Variants in SHC3 observed in about 807,000 individuals in gnomAD.
SHC3 encodes the protein SHC-transforming protein 3.
Under a neutral mutation model 60.4 loss-of-function variants are expected in SHC3, and 15 were observed. The observed-to-expected ratio is 0.25, with a 90% CI of 0.17 to 0.38. SHC3 has a LOEUF of 0.38. Ranked by LOEUF, SHC3 falls within the 10% of genes least tolerant of loss-of-function variation. The pLI is 1.00. For missense variants in SHC3, 677 were observed against 786.1 expected (o/e 0.86, Z 1.66); for synonymous variants, 294 against 325.9 (o/e 0.90, Z 1.05).
Position 89,090,015 on chromosome 9 carries a change from C to T in SHC3, c.546-12112G>A, listed in dbSNP as rs149283187. Among the ~76,000 whole-genome samples the T allele has an allele frequency of 5.6e-3, 857 of 152,336 alleles. 3 individuals carry two copies. Among genetic ancestry groups the T allele is most frequent in the Non-Finnish European group, 0.011 (716 of 68,042 alleles). On this transcript the variant is annotated intron_variant, in intron 2 of 11. Coordinates refer to ENST00000375835, the MANE Select transcript of SHC3 (RefSeq NM_016848.6). ...CCACCCATGCACATCCTCAGGCCCA[C>T]GAGCAAACACACGGAGCCCTGAGCG...
chr9:89,163,432 A>G (rs1054446909), intron 1 of SHC3, among the ~76,000 whole-genome samples: 10 of 151,872 alleles, frequency 6.6e-5, no homozygotes, highest in African/African-American at 2.4e-4. Flanking sequence ...TGATGAGTTC[A>G]TGTCCTTTGT....
chr9:89,044,614 G>T (rs1310897237), intron 9 of SHC3, among the ~76,000 whole-genome samples: 2 of 152,062 alleles, frequency 1.3e-5, no homozygotes, highest in East Asian at 1.9e-4. Flanking sequence ...AAGGGAAAAA[G>T]GTTAAAATTA....
At chr9:89,022,475 A>G (rs757751612) in intron 11 of SHC3, among the ~76,000 whole-genome samples, 2 of 152,212 alleles carry the variant, frequency 1.3e-5, no homozygotes, top group Non-Finnish European at 2.9e-5. Flanking sequence ...TTCACACTGT[A>G]GTCCAGCTAA....
intron 1 of SHC3, among the ~76,000 whole-genome samples, chr9:89,133,904 G>A (rs1826284521): frequency 6.6e-6 from 1 of 152,108 alleles, no homozygotes; most frequent in Non-Finnish European, 1.5e-5. Flanking sequence ...AGAACTTAAA[G>A]TATAATAAAA....
At chr9:89,177,546 C>G (rs1209637051) in intron 1 of SHC3, among the ~76,000 whole-genome samples, 1 of 152,206 alleles carries the variant, frequency 6.6e-6, no homozygotes, top group Non-Finnish European at 1.5e-5. Flanking sequence ...CCCACCCTCC[C>G]GCCGGGGAAG....
intron 11 of SHC3, among the ~76,000 whole-genome samples, chr9:89,015,765 GC>G (rs1396524414): frequency 6.6e-6 from 1 of 152,192 alleles, no homozygotes; most frequent in Non-Finnish European, 1.5e-5. Context: ...CAAGGATTCT[GC>G]CACAGTGAAG....
At chr9:89,176,963 C>T (rs975372088) in intron 1 of SHC3, among the ~76,000 whole-genome samples, 1 of 152,208 alleles carries the variant, frequency 6.6e-6, no homozygotes, top group African/African-American at 2.4e-5. Context: ...GAACAGACAT[C>T]CTGGGGGTTT....
chr9:89,047,401 T>G (rs761141447), intron 7 of SHC3, among the ~76,000 whole-genome samples: 13 of 152,238 alleles, frequency 8.5e-5, no homozygotes, highest in Non-Finnish European at 1.8e-4. Context: ...AAATTCTCCC[T>G]TCTGCTATTT....
chr9:89,097,023 T>C (rs1006143420), intron 2 of SHC3, among the ~76,000 whole-genome samples: 9 of 146,672 alleles, frequency 6.1e-5, no homozygotes, highest in African/African-American at 2.3e-4. Context: ...AGACACCAGG[T>C]CAGGAGAGGA....
chr9:89,121,516 C>G (rs1337428584), intron 1 of SHC3, among the ~76,000 whole-genome samples: 1 of 152,094 alleles, frequency 6.6e-6, no homozygotes, highest in African/African-American at 2.4e-5. Context: ...TCTTAAACTC[C>G]CGACCTCAGG....
intron 7 of SHC3, among the ~76,000 whole-genome samples, chr9:89,047,916 C>G (rs1398142930): frequency 6.6e-6 from 1 of 152,118 alleles, no homozygotes; most frequent in Non-Finnish European, 1.5e-5. Context: ...CATAAGGAAA[C>G]TTGTATACAT....
At chr9:89,109,955 A>T in intron 2 of SHC3, 1 of 985,450 alleles carries the variant, frequency 1.0e-6, no homozygotes, top group Admixed American at 6.1e-5. Context: ...TCCTTCATTT[A>T]TACCTATGCC....
intron 6 of SHC3, among the ~76,000 whole-genome samples, chr9:89,061,102 C>T (rs1379490797): frequency 1.3e-5 from 2 of 152,172 alleles, no homozygotes; most frequent in Non-Finnish European, 2.9e-5. Context: ...CAGAGCCTGG[C>T]TTTGTTTGTA....
At chr9:89,079,384 T>C (rs559844303) in intron 2 of SHC3, among the ~76,000 whole-genome samples, 2 of 152,248 alleles carry the variant, frequency 1.3e-5, no homozygotes, top group Non-Finnish European at 2.9e-5. Context: ...ATTTCTTATA[T>C]TAAGTGACAT....
chr9:89,083,668 T>C (rs1024636958), intron 2 of SHC3, among the ~76,000 whole-genome samples: 7 of 152,114 alleles, frequency 4.6e-5, no homozygotes, highest in Admixed American at 4.6e-4. Context: ...AGAAGACCAT[T>C]TGGAGAAGAA....
intron 9 of SHC3, 70 bp from the exon 10 acceptor site, chr9:89,042,254 A>G: frequency 6.9e-7 from 1 of 1,447,798 alleles, no homozygotes; most frequent in Non-Finnish European, 9.1e-7. Flanking sequence ...GCCTTTCACA[A>G]AGAAGCTCTT....
At chr9:89,059,657 G>C (rs1381445615) in intron 6 of SHC3, among the ~76,000 whole-genome samples, 1 of 143,584 alleles carries the variant, frequency 7.0e-6, no homozygotes, top group Non-Finnish European at 1.5e-5. Context: ...GGAGGATGGT[G>C]GTGGAGGACG....
intron 2 of SHC3, among the ~76,000 whole-genome samples, chr9:89,081,477 G>A (rs1006738523): frequency 1.3e-5 from 2 of 150,382 alleles, no homozygotes; most frequent in Non-Finnish European, 3.0e-5. Context: ...CACCCTGAGT[G>A]AGTTTCTTGC....
intron 11 of SHC3, 62 bp downstream of exon 11, chr9:89,037,931 G>T: frequency 6.4e-7 from 1 of 1,560,378 alleles, no homozygotes; most frequent in South Asian, 1.2e-5. Context: ...ACAAAGTGGA[G>T]ACTGTTTAAG....
Sources: allele counts gnomAD v4.1 joint callset (sites outside exome capture counted in the v4.1 genomes callset), GRCh38; gene constraint gnomAD v4.1.1; transcripts MANE v1.5; gene names NCBI Gene and HGNC (gene_info 2026-07-23, HGNC 2026-07-21).